The following ATG7 variants were observed in gnomAD, a reference collection of about 807,000 sequenced individuals.
The protein encoded by ATG7 is autophagy related 7.
In ATG7, 70 loss-of-function variants were observed where a neutral mutation model predicts 82.4. The ratio of observed to expected loss-of-function variants is 0.85; its 90% confidence interval spans 0.70 to 1.04. The LOEUF (loss-of-function observed/expected upper bound fraction) is 1.04. ATG7 is among the 50% of genes least tolerant of loss of function. ATG7 has a pLI of 0.00. For missense variants in ATG7, 792 were observed against 864.3 expected (o/e 0.92, Z 1.05); for synonymous variants, 287 against 313.0 (o/e 0.92, Z 0.88).
At chr3:11,476,585 G>T (rs1343185144) in intron 20 of ATG7, among the ~76,000 whole-genome samples, 1 of 152,136 alleles carries the variant, frequency 6.6e-6, no homozygotes, top group African/African-American at 2.4e-5. Flanking sequence ...AATAGAAGGA[G>T]AATGATTACT....
intron 20 of ATG7, among the ~76,000 whole-genome samples, chr3:11,455,132 C>T (rs373661465): frequency 6.6e-6 from 1 of 152,112 alleles, no homozygotes; most frequent in African/African-American, 2.4e-5. Context: ...TAAGGTATGC[C>T]TAAATATTCT....
chr3:11,286,168 T>C (rs1250237531), intron 3 of ATG7, among the ~76,000 whole-genome samples: 2 of 152,246 alleles, frequency 1.3e-5, no homozygotes, highest in African/African-American at 4.8e-5. Context: ...GTCACGTTGC[T>C]GCTGGTGTTA....
At chr3:11,574,146 A>G in the ATG7 span, among the ~76,000 whole-genome samples, 6 of 152,132 alleles carry the variant, frequency 3.9e-5, no homozygotes, top group African/African-American at 1.2e-4. Context: ...TCTTACCCTA[A>G]GCCACCCCAT....
chr3:11,337,017 A>G (rs1575537921), intron 11 of ATG7, among the ~76,000 whole-genome samples: 1 of 152,038 alleles, frequency 6.6e-6, no homozygotes, highest in African/African-American at 2.4e-5. Context: ...TTGCTTCCTC[A>G]TGGTGTGTTG....
At chr3:11,408,915 G>A (rs562682109) in intron 19 of ATG7, among the ~76,000 whole-genome samples, 1 of 152,268 alleles carries the variant, frequency 6.6e-6, no homozygotes, top group South Asian at 2.1e-4. Flanking sequence ...GCTGGCCAGA[G>A]CATCTTTTCA....
chr3:11,510,273 T>C (rs1157361416), intron 20 of ATG7: 1 of 456,642 alleles, frequency 2.2e-6, no homozygotes. Context: ...TGTCCTGAAA[T>C]AGATCTCTAC....
At position 11,503,187 on chromosome 3, in the gene ATG7, T is replaced by G. The variant is rs185772378; in HGVS notation, c.2080-51624T>G. Among the ~76,000 whole-genome samples, 35 of 152,294 alleles carry G rather than the reference T, an allele frequency of 2.3e-4. 1 individual carries two copies. The highest frequency in any genetic ancestry group is 1.8e-3 in the Admixed American group (28 of 15,292). ...GCTCTTTGAATGACAGTCGGCCAGA[T>G]GACCCTATACTGAAGGCCATAGTGG... On this transcript the variant is annotated intron_variant, in intron 20 of 20. Coordinates refer to ENST00000693202, the MANE Select transcript of ATG7 (RefSeq NM_001349232.2).
At chr3:11,575,573 C>A in the ATG7 span, among the ~76,000 whole-genome samples, 1 of 152,192 alleles carries the variant, frequency 6.6e-6, no homozygotes, top group Non-Finnish European at 1.5e-5. Flanking sequence ...GGAAACCTGG[C>A]GGATCCGGAA....
intron 11 of ATG7, among the ~76,000 whole-genome samples, chr3:11,340,428 A>C (rs1193837881): frequency 6.6e-6 from 1 of 152,036 alleles, no homozygotes; most frequent in Admixed American, 6.5e-5. Flanking sequence ...GATGGTCCCT[A>C]AACAAGATTC....
chr3:11,485,914 T>A (rs1302035392), intron 20 of ATG7, among the ~76,000 whole-genome samples: 1 of 152,124 alleles, frequency 6.6e-6, no homozygotes, highest in Non-Finnish European at 1.5e-5. Context: ...TCTGTTTTGG[T>A]ACCAGTACCA....
chr3:11,317,176 G>T (rs1312778059), intron 9 of ATG7, among the ~76,000 whole-genome samples: 1 of 152,086 alleles, frequency 6.6e-6, no homozygotes, highest in African/African-American at 2.4e-5. Flanking sequence ...ACTGAAGATT[G>T]AATTTTTATT....
intron 14 of ATG7, 86 bp downstream of exon 14, chr3:11,348,121 A>G (rs1954848847): frequency 3.4e-6 from 5 of 1,483,846 alleles, no homozygotes. Flanking sequence ...TTGAAGAAAG[A>G]GAGTCAGATA....
intron 1 of ATG7, among the ~76,000 whole-genome samples, chr3:11,279,238 G>A (rs1005477889): frequency 6.6e-6 from 1 of 152,220 alleles, no homozygotes; most frequent in African/African-American, 2.4e-5. Flanking sequence ...CATTTATTGA[G>A]AGAGAGCCAG....
intron 20 of ATG7, among the ~76,000 whole-genome samples, chr3:11,434,635 C>T (rs932137996): frequency 2.0e-5 from 3 of 152,108 alleles, no homozygotes; most frequent in African/African-American, 7.2e-5. Flanking sequence ...AAATGTGTAC[C>T]TTTTATTTGC....
At chr3:11,529,827 G>GTT (rs1430306534) in intron 20 of ATG7, 1 of 152,300 alleles carries the variant, frequency 6.6e-6, no homozygotes, top group Non-Finnish European at 1.5e-5. Flanking sequence ...AGGTACCAAG[G>GTT]ATGCTGAGAT....
intron 20 of ATG7, chr3:11,446,431 G>A (rs1425803060): frequency 2.6e-6 from 1 of 383,140 alleles, no homozygotes; most frequent in Non-Finnish European, 5.0e-6. Flanking sequence ...TATAAAGGAG[G>A]AGACTCCTTA....
intron 9 of ATG7, among the ~76,000 whole-genome samples, chr3:11,324,019 A>G (rs921862082): frequency 2.6e-5 from 4 of 152,204 alleles, no homozygotes; most frequent in South Asian, 2.1e-4. Flanking sequence ...TTTTTCAGCA[A>G]ATTGCTTGGC....
intron 5 of ATG7, among the ~76,000 whole-genome samples, chr3:11,301,701 A>T (rs1463953915): frequency 6.6e-6 from 1 of 152,164 alleles, no homozygotes; most frequent in Non-Finnish European, 1.5e-5. Flanking sequence ...AGCCAGTAAG[A>T]TATGACGAGG....
At chr3:11,301,035 G>T (rs1474058867) in intron 5 of ATG7, among the ~76,000 whole-genome samples, 1 of 152,168 alleles carries the variant, frequency 6.6e-6, no homozygotes, top group Non-Finnish European at 1.5e-5. Flanking sequence ...ACAGTGAATG[G>T]CTCTAATTAG....
Sources: gnomAD v4.1 joint callset for allele counts (sites outside exome capture counted in the v4.1 genomes callset) on GRCh38, gnomAD v4.1.1 for gene constraint, MANE v1.5 for transcripts, NCBI Gene and HGNC (gene_info 2026-07-23, HGNC 2026-07-21) for gene names.